Variants in GPHN observed in about 807,000 individuals in gnomAD.
GPHN encodes gephyrin.
A neutral mutation model predicts 95.5 loss-of-function variants in GPHN; 17 were observed. That is an observed-to-expected ratio of 0.18 (90% CI 0.12 to 0.27). The LOEUF is 0.27. Among genes scored for constraint, GPHN ranks in the 10% least tolerant of loss-of-function variants. The pLI is 1.00. For missense variants in GPHN, 660 were observed against 978.1 expected (o/e 0.67, Z 4.34); for synonymous variants, 320 against 322.5 (o/e 0.99, Z 0.08).
chr14:67,237,825 A>G, the GPHN span, among the ~76,000 whole-genome samples: 1 of 152,174 alleles, frequency 6.6e-6, no homozygotes, highest in Non-Finnish European at 1.5e-5. Context: ...TGTTAGAGTG[A>G]CTCAGCAGGT....
the GPHN span, among the ~76,000 whole-genome samples, chr14:67,372,849 CA>C: frequency 6.6e-6 from 1 of 150,528 alleles, no homozygotes; most frequent in Non-Finnish European, 1.5e-5. Context: ...AAAAAACAAA[CA>C]AAAAAACCCT....
intron 10 of GPHN, among the ~76,000 whole-genome samples, chr14:67,042,245 T>A (rs1317574024): frequency 6.6e-6 from 1 of 152,168 alleles, no homozygotes; most frequent in Non-Finnish European, 1.5e-5. Context: ...AGATCCCATT[T>A]GTCAATTTTG....
At chr14:67,037,043 G>A (rs1360501399) in intron 10 of GPHN, among the ~76,000 whole-genome samples, 3 of 151,906 alleles carry the variant, frequency 2.0e-5, no homozygotes, top group Admixed American at 2.0e-4. Flanking sequence ...ATATTACAAA[G>A]TTACAGTAAT....
chr14:66,927,384 T>G (rs530234621), intron 8 of GPHN, among the ~76,000 whole-genome samples: 7 of 152,116 alleles, frequency 4.6e-5, no homozygotes, highest in Non-Finnish European at 1.0e-4. Flanking sequence ...CTAATTTTTG[T>G]TTGTTGATTT....
the GPHN span, among the ~76,000 whole-genome samples, chr14:67,560,727 C>CT: frequency 0.37 from 46,679 of 126,238 alleles, 9,368 homozygotes; most frequent in Non-Finnish European, 0.4. Context: ...GAACATATAT[C>CT]TTTTTTTTTT....
chr14:67,372,256 CA>C, the GPHN span, among the ~76,000 whole-genome samples: 1 of 151,958 alleles, frequency 6.6e-6, no homozygotes, highest in African/African-American at 2.4e-5. Context: ...TGTCCATATG[CA>C]AAAAAGAACC....
chr14:66,950,302 C>T (rs1215200548), intron 8 of GPHN, among the ~76,000 whole-genome samples: 1 of 152,130 alleles, frequency 6.6e-6, no homozygotes, highest in East Asian at 1.9e-4. Context: ...ATTCTACTTG[C>T]TCAAGGTAGA....
At chr14:67,108,378 C>T (rs145450085) in intron 13 of GPHN, among the ~76,000 whole-genome samples, 77 of 152,264 alleles carry the variant, frequency 5.1e-4, no homozygotes, top group African/African-American at 1.6e-3. Context: ...TCTCACCAGA[C>T]GCCAAAGTGG....
chr14:67,130,021 T>A (rs1210527376), intron 17 of GPHN, among the ~76,000 whole-genome samples: 2 of 152,236 alleles, frequency 1.3e-5, no homozygotes, highest in African/African-American at 4.8e-5. Flanking sequence ...TTTTTCTTCA[T>A]TTTCATGTCG....
intron 9 of GPHN, among the ~76,000 whole-genome samples, chr14:67,004,708 G>A (rs1474151461): frequency 6.6e-6 from 1 of 151,718 alleles, no homozygotes. Context: ...TTTGGTAAAG[G>A]CAGATTTTCC....
chr14:66,508,398 TC>T lies in GPHN; in HGVS notation c.-126del. ...GTGCACTCTGTGGCCTCCCCCTCCT[TC>T]CCCGCTCTCCTCGCGCTTCTCTGGC... is the stretch of plus-strand genomic sequence containing the variant. On this transcript the variant is annotated 5_prime_UTR_variant, in exon 1 of 23. Coordinates refer to ENST00000478722, the MANE Select transcript of GPHN (RefSeq NM_020806.5). 2.4e-6 allele frequency: 2 copies of T among 850,784 alleles called. No individual in the cohort carries two copies. Among genetic ancestry groups the T allele is most frequent in the Non-Finnish European group, 4.1e-6 (2 of 492,362 alleles). 52.7% of individuals were successfully genotyped at this position (850,784 alleles called of 1,614,324 possible). A position where few individuals can be genotyped will look rare whatever the true frequency, so the allele number is the denominator to read the frequency against.
chr14:66,644,714 C>G (rs1432519485), intron 1 of GPHN, among the ~76,000 whole-genome samples: 2 of 152,000 alleles, frequency 1.3e-5, no homozygotes, highest in Non-Finnish European at 2.9e-5. Context: ...ATGTATGTGT[C>G]AGAATTAAAT....
the GPHN span, among the ~76,000 whole-genome samples, chr14:67,294,154 C>T: frequency 1.3e-5 from 2 of 152,112 alleles, no homozygotes; most frequent in African/African-American, 2.4e-5. Flanking sequence ...GGATAGTTCA[C>T]TATTTTAAAA....
the GPHN span, chr14:67,392,319 G>A: frequency 6.4e-7 from 1 of 1,551,450 alleles, no homozygotes; most frequent in South Asian, 1.1e-5. Flanking sequence ...GCTCATAGCA[G>A]CCATACCTGC....
chr14:67,701,541 A>T, the GPHN span, among the ~76,000 whole-genome samples: 1 of 147,732 alleles, frequency 6.8e-6, no homozygotes, highest in Admixed American at 7.0e-5. Flanking sequence ...CTCCCGCCTC[A>T]GCCTCCCGAG....
chr14:66,525,512 C>T (rs1263582400), intron 1 of GPHN, among the ~76,000 whole-genome samples: 1 of 152,144 alleles, frequency 6.6e-6, no homozygotes, highest in African/African-American at 2.4e-5. Flanking sequence ...TCCCATTTGT[C>T]AATTTTGGCT....
At chr14:67,201,281 A>G in the GPHN span, 1 of 348,464 alleles carries the variant, frequency 2.9e-6, no homozygotes, top group Non-Finnish European at 5.6e-6. Flanking sequence ...ATGATAAGAC[A>G]AGACTTTGTC....
the GPHN span, among the ~76,000 whole-genome samples, chr14:67,436,024 C>T: frequency 6.6e-6 from 1 of 152,254 alleles, no homozygotes; most frequent in Admixed American, 6.5e-5. Context: ...GTGAGCTTCT[C>T]TGGCTCCCAG....
intron 1 of GPHN, among the ~76,000 whole-genome samples, chr14:66,609,019 A>G (rs2062667162): frequency 6.6e-6 from 1 of 152,192 alleles, no homozygotes; most frequent in East Asian, 1.9e-4. Context: ...TTTGATACAG[A>G]AATTGTGTTT....
Sources: gnomAD v4.1 joint callset for allele counts (sites outside exome capture counted in the v4.1 genomes callset) on GRCh38, gnomAD v4.1.1 for gene constraint, MANE v1.5 for transcripts, NCBI Gene and HGNC (gene_info 2026-07-23, HGNC 2026-07-21) for gene names.